The following CDHR4 variants were observed in gnomAD, a reference collection of about 807,000 sequenced individuals.
The protein encoded by CDHR4 is cadherin-related family member 4.
A neutral mutation model predicts 88.4 loss-of-function variants in CDHR4; 89 were observed. The observed-to-expected ratio is 1.01, with a 90% CI of 0.85 to 1.20. CDHR4 has a LOEUF of 1.20. Ranked by LOEUF, CDHR4 falls within the 50% of genes most tolerant of loss-of-function variation. The pLI, the probability that CDHR4 is intolerant of heterozygous loss-of-function variation, is 0.00. For missense variants in CDHR4, 914 were observed against 1,007.2 expected, an observed-to-expected ratio of 0.91 and a Z score of 1.25; for synonymous variants, 368 against 399.2, an observed-to-expected ratio of 0.92 and a Z score of 0.93.
chr3:49,793,550 G>C (rs780476675), intron 12 of CDHR4, 33 bp downstream of exon 12: 1 of 1,549,138 alleles, frequency 6.5e-7, no homozygotes, highest in African/African-American at 1.4e-5. Flanking sequence ...GTCTTTCCAA[G>C]TATTTATTTC....
At chr3:49,794,085 C>T in intron 10 of CDHR4, 79 bp from the exon 11 acceptor site, 2 of 1,408,716 alleles carry the variant, frequency 1.4e-6, no homozygotes, top group Non-Finnish European at 1.9e-6. Context: ...GAGACAGGGC[C>T]CTGCCCTGGG....
At chr3:49,794,827 CA>C (rs2081243137) in intron 9 of CDHR4, 119 bp downstream of exon 9, 15 of 1,446,594 alleles carry the variant, frequency 1.0e-5, no homozygotes, top group Non-Finnish European at 1.4e-5. Context: ...GACTGCAACA[CA>C]GGTTGGCTCG....
At chr3:49,796,121 T>G in intron 5 of CDHR4, 75 bp from the exon 6 acceptor site, 1 of 1,032,340 alleles carries the variant, frequency 9.7e-7, no homozygotes, top group Non-Finnish European at 1.4e-6. Flanking sequence ...GTCCTCCCCT[T>G]AAATAGGCAA....
intron 12 of CDHR4, 101 bp downstream of exon 12, chr3:49,793,481 TG>T: frequency 6.7e-7 from 1 of 1,488,224 alleles, no homozygotes; most frequent in East Asian, 2.5e-5. Flanking sequence ...AGCCAACTCG[TG>T]GAAGAAACCA....
In CDHR4 at chr3:49,792,884, G is replaced by A; in HGVS notation, c.1965C>T (p.Ser655=). The A allele has an allele frequency of 6.5e-7, 1 of 1,548,236 alleles. No individual in the cohort carries two copies. The highest frequency in any genetic ancestry group is 8.7e-7 in the Non-Finnish European group (1 of 1,144,444). ...IIVHLVPRRA[S]TVATSTHRTT... ...TTCTGTGGGTGCTGGTGGCCACTGT[G>A]CTGGCCCTCCGGGGAACTAGATGCA... The change falls in exon 14 of 19, where the codon AGC becomes AGT. Residue 655 remains serine, a synonymous_variant. Transcript: ENST00000412678.
chr3:49,795,723 G>C lies in CDHR4; in HGVS notation c.752C>G (p.Pro251Arg). The C allele has an allele frequency of 1.3e-6, 2 of 1,551,678 alleles. No individual in the cohort carries two copies. ...CTGGACCTGAACCACCTCACTACCG[G>C]GGGCCAGATTCTCAGGGATGGTGAT... is the stretch of plus-strand genomic sequence containing the variant. ...QNITIPENLA[P>R]GSEVVQVQAR... The change falls in exon 7 of 19, where the codon CCC becomes CGC. Residue 251 changes from proline (P) to arginine (R), a missense_variant. By Grantham distance (103) the Pro-to-Arg change is moderately radical. Transcript: ENST00000412678. The surrounding 1 kb of genome is among the most constrained non-coding windows in gnomAD (Gnocchi z 5.4).
intron 12 of CDHR4, 55 bp from the exon 13 acceptor site, chr3:49,793,366 G>A: frequency 1.3e-6 from 2 of 1,527,542 alleles, no homozygotes; most frequent in South Asian, 2.4e-5. Context: ...AAACCTCTGA[G>A]CCAGCCCCTC....
At chr3:49,794,569 G>A (rs759369620) in intron 10 of CDHR4, 39 bp downstream of exon 10, 1 of 1,490,030 alleles carries the variant, frequency 6.7e-7, no homozygotes, top group South Asian at 1.2e-5. Context: ...GGACAGAACA[G>A]CCTTGTCCTG....
Position 49,795,817 on chromosome 3 carries a change from T to G in CDHR4, c.711-53A>C. 1 of 1,546,482 alleles carries G rather than the reference T, an allele frequency of 6.5e-7. No homozygotes were observed. Among genetic ancestry groups the G allele is most frequent in the Non-Finnish European group, 8.7e-7 (1 of 1,143,808 alleles). ...TGCCCATTCCTGCTCAACCTGTGGG[T>G]CCACAGCTTCCTTCCCTGGGCCCCC... On this transcript the variant is annotated intron_variant, in intron 6 of 18. Transcript: ENST00000412678. This position sits in a 1 kb window ranked among gnomAD's most constrained non-coding sequence, Gnocchi z 5.4.
rs764175337 is a variant in CDHR4, at chr3:49,792,909, A to C, written c.1940T>G (p.Val647Gly). Residue 647 changes from valine (V) to glycine (G), a missense_variant, in exon 14 of 19, where the codon GTG (valine) becomes GGG (glycine). Val to Gly is a moderately radical substitution (Grantham distance 109, BLOSUM62 -3). Coordinates refer to ENST00000412678, the MANE Select transcript of CDHR4 (RefSeq NM_001007540.4). ...PHLSTTATIIVHLVPRRASTV... is the reference protein window; with the variant it reads ...PHLSTTATIIGHLVPRRASTV... The stretch of plus-strand genomic sequence containing the variant: ...GCTGGCCCTCCGGGGAACTAGATGC[A>C]CAATAATGGTGGCTGTGGTGCTGAG... 66 of 1,550,928 alleles carry C rather than the reference A, an allele frequency of 4.3e-5. No homozygotes were observed. The South Asian group carries it at 7.4e-4, about 17-fold the overall frequency.
chr3:49,794,523 G>A, intron 10 of CDHR4, 85 bp downstream of exon 10: 2 of 1,074,686 alleles, frequency 1.9e-6, no homozygotes, highest in Middle Eastern at 3.0e-4. Flanking sequence ...TTCTGAAGGA[G>A]GAGAGATGAC....
In CDHR4 at chr3:49,797,824, G is replaced by T. The variant is rs369162195; in HGVS notation, c.496-792C>A. On this transcript the variant is annotated intron_variant, in intron 4 of 18. Coordinates refer to ENST00000412678, the MANE Select transcript of CDHR4 (RefSeq NM_001007540.4). ...TGCTTCACCACTGACCCTTATCCCA[G>T]CCTGGGCTCCCTGACTTCTAGCCCA... Among the ~76,000 whole-genome samples, 5 of 151,682 alleles carry T rather than the reference G, an allele frequency of 3.3e-5. No homozygotes were observed. In the South Asian group the frequency reaches 8.4e-4, roughly 25 times the overall value.
chr3:49,791,805 G>A lies in CDHR4; in HGVS notation c.2196-4C>T. On this transcript the variant is annotated splice_polypyrimidine_tract_variant and splice_region_variant and intron_variant, in intron 16 of 18. Transcript: ENST00000412678. ...GGATCCCTCAGTTCCCTGGATGCTG[G>A]GGCAAAGTACGAGCAAGAGTACAGG... 1.3e-6 allele frequency: 2 copies of A among 1,551,688 alleles called. No homozygotes were observed. Among genetic ancestry groups the A allele is most frequent in the Non-Finnish European group, 8.7e-7 (1 of 1,146,982 alleles).
At chr3:49,797,126 A>G (rs1028118840) in intron 4 of CDHR4, 94 bp from the exon 5 acceptor site, 1 of 908,432 alleles carries the variant, frequency 1.1e-6, no homozygotes, top group African/African-American at 1.7e-5. Flanking sequence ...GCAACCCAGC[A>G]GGCACCTGCC....
At position 49,795,724 on chromosome 3, in the gene CDHR4, G is replaced by A; in HGVS notation, c.751C>T (p.Pro251Ser). ...TGGACCTGAACCACCTCACTACCGG[G>A]GGCCAGATTCTCAGGGATGGTGATA... Reference protein sequence around the residue: ...QNITIPENLAPGSEVVQVQAR... With the variant: ...QNITIPENLASGSEVVQVQAR... Residue 251 changes from proline to serine, a missense_variant, in exon 7 of 19, where the codon CCC becomes TCC. By Grantham distance (74) the Pro-to-Ser change is moderately conservative. Transcript: ENST00000412678. The surrounding 1 kb of genome is among the most constrained non-coding windows in gnomAD (Gnocchi z 5.4). The A allele has an allele frequency of 6.4e-7, 1 of 1,551,694 alleles. No homozygotes were observed. Among genetic ancestry groups the A allele is most frequent in the Non-Finnish European group, 8.7e-7 (1 of 1,146,976 alleles).
chr3:49,799,056 A>G lies in CDHR4; in HGVS notation c.341T>C (p.Leu114Pro). The G allele has an allele frequency of 6.3e-7, 1 of 1,593,402 alleles. No individual in the cohort carries two copies. Among genetic ancestry groups the G allele is most frequent in the Non-Finnish European group, 8.5e-7 (1 of 1,170,134 alleles). ...TCGNHVMEGSLSVDVQRDLSH... is the reference protein window; with the variant it reads ...TCGNHVMEGSPSVDVQRDLSH... ...AAGGTCCCGCTGCACATCCACAGAG[A>G]GTGAGCCCTCCATCACATGGTTGCC... The change falls in exon 3 of 19, where the codon CTC (leucine) becomes CCC (proline). Residue 114 changes from leucine (L) to proline (P), a missense_variant. Transcript: ENST00000412678.
chr3:49,793,804 G>A lies in CDHR4; in HGVS notation c.1482C>T (p.Ser494=), dbSNP rs61730923. 2.7e-4 allele frequency: 415 copies of A among 1,551,754 alleles called. 1 individual carries two copies. The African/African-American group carries it at 3.0e-3, about 11-fold the overall frequency. Residue 494 remains serine (S), a splice_region_variant and synonymous_variant, in exon 11 of 19, where the codon AGC becomes AGT. Coordinates refer to ENST00000412678, the MANE Select transcript of CDHR4 (RefSeq NM_001007540.4). Reference sequence around the variant, plus strand: ...ATCCCAGCCCTGGGGTGGATGTACCGCTGAGACGGTCCACAGCAAAGGTGG... The same window carrying A: ...ATCCCAGCCCTGGGGTGGATGTACCACTGAGACGGTCCACAGCAAAGGTGG... The part of the protein sequence containing the change: ...GPTTFAVDRL[S]GEVHLLGPLD...
chr3:49,795,255 G>A lies in CDHR4; in HGVS notation c.972C>T (p.Leu324=). The change falls in exon 8 of 19, where the codon CTC becomes CTT. Residue 324 remains leucine, a synonymous_variant. Transcript: ENST00000412678. The surrounding 1 kb of genome is among the most constrained non-coding windows in gnomAD (Gnocchi z 5.4). ...GGTTGACCAGCTGCACATTCATGGT[G>A]AGATTGAGCTTGGCACTGGCCCACA... The part of the protein sequence containing the change: ...GQLWASAKLN[L]TMNVQLVNLW... 6.4e-7 allele frequency: 1 copy of A among 1,551,678 alleles called. No individual in the cohort carries two copies.
chr3:49,792,063 C>G, intron 15 of CDHR4, 104 bp from the exon 16 acceptor site: 10 of 1,136,672 alleles, frequency 8.8e-6, no homozygotes, highest in Non-Finnish European at 1.3e-5. Flanking sequence ...CAACCAATGT[C>G]TGTATGCAGT....
Sources: gnomAD v4.1 joint callset for allele counts (sites outside exome capture counted in the v4.1 genomes callset) on GRCh38, gnomAD v4.1.1 for gene constraint, Gnocchi (gnomAD v3.1) non-coding constraint, MANE v1.5 for transcripts, NCBI Gene and HGNC (gene_info 2026-07-23, HGNC 2026-07-21) for gene names.